Variants in FAM117A observed in about 807,000 individuals in gnomAD.
The protein encoded by FAM117A is protein FAM117A.
In FAM117A, 21 loss-of-function variants were observed where a neutral mutation model predicts 44.1. The ratio of observed to expected loss-of-function variants is 0.48; its 90% confidence interval spans 0.34 to 0.69. The LOEUF is 0.69. FAM117A is among the 30% of genes least tolerant of loss of function. FAM117A has a pLI of 0.01. For missense variants in FAM117A, 498 were observed against 589.9 expected, an observed-to-expected ratio of 0.84 and a Z score of 1.61; for synonymous variants, 220 against 238.3, an observed-to-expected ratio of 0.92 and a Z score of 0.71.
intron 1 of FAM117A, among the ~76,000 whole-genome samples, chr17:49,782,227 A>C (rs1034018026): frequency 2.0e-5 from 3 of 151,676 alleles, no homozygotes; most frequent in Non-Finnish European, 2.9e-5. Flanking sequence ...TACAAAAAAA[A>C]ATTAGCCAGT....
chr17:49,740,598 C>A (rs1276298539), intron 1 of FAM117A, among the ~76,000 whole-genome samples: 1 of 152,220 alleles, frequency 6.6e-6, no homozygotes, highest in Admixed American at 6.5e-5. Context: ...CTGTGATAAA[C>A]ACTGGAGGAG....
At chr17:49,729,608 C>T (rs377383649) in intron 2 of FAM117A, among the ~76,000 whole-genome samples, 5 of 149,580 alleles carry the variant, frequency 3.3e-5, no homozygotes, top group South Asian at 4.3e-4. Flanking sequence ...CGGGTTCAAG[C>T]GATTCTCCTG....
chr17:49,787,645 A>G (rs2073822482), intron 1 of FAM117A, among the ~76,000 whole-genome samples: 1 of 152,174 alleles, frequency 6.6e-6, no homozygotes, highest in South Asian at 2.1e-4. Flanking sequence ...CCCAGTCGCA[A>G]TTGGTCAAGA....
intron 7 of FAM117A, among the ~76,000 whole-genome samples, chr17:49,714,952 C>T (rs1397091682): frequency 6.6e-6 from 1 of 152,140 alleles, no homozygotes; most frequent in East Asian, 1.9e-4. Flanking sequence ...CCGAGCCCAC[C>T]ACCTCTCTTA....
intron 1 of FAM117A, among the ~76,000 whole-genome samples, chr17:49,740,249 ATTT>A (rs879708249): frequency 1.4e-5 from 2 of 143,230 alleles, no homozygotes; most frequent in African/African-American, 2.6e-5. Flanking sequence ...TGGTAAGCAG[ATTT>A]TTTTTTTTTT....
chr17:49,764,514 G>C (rs1344680944), upstream of FAM117A, among the ~76,000 whole-genome samples: 1 of 152,192 alleles, frequency 6.6e-6, no homozygotes, highest in African/African-American at 2.4e-5. Context: ...GGTGTAGGTT[G>C]GAGTCAAACA....
At chr17:49,737,792 G>A (rs148735413) in intron 1 of FAM117A, among the ~76,000 whole-genome samples, 74 of 152,324 alleles carry the variant, frequency 4.9e-4, no homozygotes, top group African/African-American at 1.7e-3. Flanking sequence ...AAGAAGCTTA[G>A]TCTCTGATTA....
chr17:49,774,329 A>G (rs1241313719), intron 1 of FAM117A, among the ~76,000 whole-genome samples: 1 of 149,862 alleles, frequency 6.7e-6, no homozygotes, highest in African/African-American at 2.5e-5. Context: ...TATTTTTTGT[A>G]GAGGCATGGT....
chr17:49,718,683 GA>G (rs1007687386), intron 5 of FAM117A, among the ~76,000 whole-genome samples: 4 of 133,380 alleles, frequency 3.0e-5, no homozygotes, highest in Admixed American at 7.9e-5. Context: ...AAAAAAAAAA[GA>G]AAAAAAAATG....
chr17:49,767,696 A>G (rs2073749210), upstream of FAM117A, among the ~76,000 whole-genome samples: 1 of 152,158 alleles, frequency 6.6e-6, no homozygotes, highest in Admixed American at 6.5e-5. Flanking sequence ...CCAGGTTAGG[A>G]GTTCAAGACC....
chr17:49,722,398 G>A, intron 3 of FAM117A, 101 bp downstream of exon 3: 1 of 927,372 alleles, frequency 1.1e-6, no homozygotes, highest in Non-Finnish European at 1.7e-6. Context: ...AGATAGGAGA[G>A]GTGAGCAGTG....
chr17:49,767,503 C>G (rs1030050832), upstream of FAM117A, among the ~76,000 whole-genome samples: 19 of 152,188 alleles, frequency 1.2e-4, no homozygotes, highest in African/African-American at 4.6e-4. Flanking sequence ...GGCCTTGAAG[C>G]CTGTATGCAG....
At chr17:49,726,550 T>A (rs537516269) in intron 2 of FAM117A, among the ~76,000 whole-genome samples, 35 of 152,318 alleles carry the variant, frequency 2.3e-4, no homozygotes, top group Admixed American at 1.2e-3. Context: ...TACACAGGTG[T>A]GGACTATAGC....
chr17:49,746,147 G>A (rs764573246), intron 1 of FAM117A, among the ~76,000 whole-genome samples: 7 of 152,134 alleles, frequency 4.6e-5, no homozygotes, highest in Non-Finnish European at 8.8e-5. Flanking sequence ...GTGCATATGT[G>A]GGTATGTCTA....
At chr17:49,731,692 T>TG (rs2073585821) in intron 2 of FAM117A, among the ~76,000 whole-genome samples, 1 of 152,264 alleles carries the variant, frequency 6.6e-6, no homozygotes, top group Non-Finnish European at 1.5e-5. Context: ...GGATCTATTC[T>TG]GGCTCAGCAT....
chr17:49,720,871 C>G (rs541007606), intron 3 of FAM117A, among the ~76,000 whole-genome samples: 1 of 152,062 alleles, frequency 6.6e-6, no homozygotes, highest in Non-Finnish European at 1.5e-5. Context: ...CCCACCATCA[C>G]CCCCAGCTAA....
Position 49,716,314 on chromosome 17 carries a change from G to T in FAM117A, c.912C>A (p.Ala304=). The T allele has an allele frequency of 6.3e-7, 1 of 1,583,656 alleles. No homozygotes were observed. Among genetic ancestry groups the T allele is most frequent in the Non-Finnish European group, 8.6e-7 (1 of 1,164,774 alleles). Residue 304 remains alanine (A), a splice_region_variant and synonymous_variant, in exon 7 of 8, where the codon GCC becomes GCA. Transcript: ENST00000240364. ...GAAAGGCTGGGTGTCCTGGAGAGGA[G>T]GCTGTGAACAGAGCAAGGCTAAGTC... The part of the protein sequence containing the change: ...EELASTPNDK[A]SSPGHPAFLE...
intron 1 of FAM117A, among the ~76,000 whole-genome samples, chr17:49,746,818 G>A (rs187616046): frequency 6.6e-6 from 1 of 152,178 alleles, no homozygotes; most frequent in African/African-American, 2.4e-5. Context: ...AGAATTTATC[G>A]GTAGTCTTCC....
intron 6 of FAM117A, among the ~76,000 whole-genome samples, chr17:49,716,823 G>C (rs756610239): frequency 6.6e-6 from 1 of 152,080 alleles, no homozygotes; most frequent in African/African-American, 2.4e-5. Context: ...CTTTGCCTAG[G>C]TTGCAAATAT....
Sources: gnomAD v4.1 joint callset for allele counts (sites outside exome capture counted in the v4.1 genomes callset) on GRCh38, gnomAD v4.1.1 for gene constraint, MANE v1.5 for transcripts, NCBI Gene and HGNC (gene_info 2026-07-23, HGNC 2026-07-21) for gene names.